Variants in KCNAB1 observed in about 807,000 individuals in gnomAD.
The protein encoded by KCNAB1 is voltage-gated potassium channel subunit beta-1.
In KCNAB1, 35 loss-of-function variants were observed where a neutral mutation model predicts 64.6. The ratio of observed to expected loss-of-function variants is 0.54; its 90% confidence interval spans 0.41 to 0.72. The LOEUF is 0.72. Ranked by LOEUF, KCNAB1 falls within the 30% of genes least tolerant of loss-of-function variation. The pLI is 0.00. For synonymous variants in KCNAB1, 177 were observed against 183.8 expected (o/e 0.96, Z 0.30); for missense variants, 401 against 512.9 (o/e 0.78, Z 2.11).
At chr3:156,311,849 A>G (rs1721927975) in intron 1 of KCNAB1, among the ~76,000 whole-genome samples, 1 of 152,188 alleles carries the variant, frequency 6.6e-6, no homozygotes, top group Non-Finnish European at 1.5e-5. Context: ...ATTGACTGCA[A>G]ATAGTGCAGT....
At chr3:156,453,062 A>C in intron 3 of KCNAB1, 126 bp downstream of exon 3, 1 of 573,898 alleles carries the variant, frequency 1.7e-6, no homozygotes, top group Non-Finnish European at 3.1e-6. Context: ...GAAATGGTAA[A>C]ATTGACTCAG....
At position 156,445,279 on chromosome 3, in the gene KCNAB1, G is replaced by C. The variant is rs377766900; in HGVS notation, c.320-7620G>C. On this transcript the variant is annotated intron_variant, in intron 2 of 13. Transcript: ENST00000490337. ...CCACTGCACTCAGGCCTGGGTGACA[G>C]AGCGAGACTCTGTCTCTGAAACAAA... is the stretch of plus-strand genomic sequence containing the variant. Among the ~76,000 whole-genome samples the C allele has an allele frequency of 6.0e-4, 92 of 152,316 alleles. 1 individual carries two copies. Among genetic ancestry groups the C allele is most frequent in the Non-Finnish European group, 2.2e-4 (15 of 68,034 alleles).
intron 1 of KCNAB1, among the ~76,000 whole-genome samples, chr3:156,244,280 G>A (rs949427238): frequency 3.3e-5 from 5 of 152,084 alleles, no homozygotes; most frequent in Non-Finnish European, 7.4e-5. Context: ...TATCTTCAAA[G>A]TGCATCACTC....
chr3:156,419,062 A>G (rs1438093253), intron 1 of KCNAB1, among the ~76,000 whole-genome samples: 1 of 152,176 alleles, frequency 6.6e-6, no homozygotes, highest in African/African-American at 2.4e-5. Flanking sequence ...GACAGTTCTC[A>G]TGTTTGGTCT....
At chr3:156,318,190 G>A (rs1722403949) in intron 1 of KCNAB1, among the ~76,000 whole-genome samples, 1 of 152,142 alleles carries the variant, frequency 6.6e-6, no homozygotes, top group Admixed American at 6.5e-5. Context: ...AGCAGGATAG[G>A]GGGCAAAAGC....
At chr3:156,126,303 G>C (rs562125836) in intron 1 of KCNAB1, among the ~76,000 whole-genome samples, 108 of 152,130 alleles carry the variant, frequency 7.1e-4, no homozygotes, top group Non-Finnish European at 1.4e-3. Flanking sequence ...AGCAGGCGTG[G>C]AGGAGAGGCA....
intron 1 of KCNAB1, among the ~76,000 whole-genome samples, chr3:156,217,543 A>G (rs1715403442): frequency 6.6e-6 from 1 of 152,226 alleles, no homozygotes; most frequent in Admixed American, 6.5e-5. Context: ...CGTTTCCACT[A>G]TGGTTTAGTA....
At chr3:156,507,473 A>G (rs535083031) in intron 8 of KCNAB1, among the ~76,000 whole-genome samples, 1 of 152,356 alleles carries the variant, frequency 6.6e-6, no homozygotes, top group African/African-American at 2.4e-5. Flanking sequence ...TAAGGATGAC[A>G]TCATTTCATT....
At chr3:156,398,590 C>CAAAA (rs767338912) in intron 1 of KCNAB1, among the ~76,000 whole-genome samples, 1 of 76,850 alleles carries the variant, frequency 1.3e-5, no homozygotes, top group African/African-American at 4.2e-5. Context: ...GACTCCGTCT[C>CAAAA]AAAAAAAAAA....
At chr3:156,206,128 T>C (rs2108386401) in intron 1 of KCNAB1, among the ~76,000 whole-genome samples, 1 of 152,350 alleles carries the variant, frequency 6.6e-6, no homozygotes, top group South Asian at 2.1e-4. Context: ...TGCACGTATC[T>C]TTATTTGATG....
chr3:156,502,219 A>G (rs1716492905), intron 8 of KCNAB1, among the ~76,000 whole-genome samples: 1 of 152,160 alleles, frequency 6.6e-6, no homozygotes, highest in African/African-American at 2.4e-5. Context: ...GGCCAAGAAG[A>G]GCCAAATGAC....
chr3:156,126,678 G>A (rs1349062669), intron 1 of KCNAB1, among the ~76,000 whole-genome samples: 4 of 152,220 alleles, frequency 2.6e-5, no homozygotes, highest in African/African-American at 9.6e-5. Context: ...GCGAGAAGCA[G>A]TTGGTTTTGG....
chr3:156,204,051 C>A (rs1714500965), intron 1 of KCNAB1, among the ~76,000 whole-genome samples: 1 of 152,130 alleles, frequency 6.6e-6, no homozygotes. Context: ...GGTCTGGGCA[C>A]AGGGTGAAAA....
chr3:156,423,366 C>A (rs537376797), intron 2 of KCNAB1, among the ~76,000 whole-genome samples: 2 of 152,238 alleles, frequency 1.3e-5, no homozygotes, highest in East Asian at 3.9e-4. Flanking sequence ...ATGAAAGAAG[C>A]AGAGTACATG....
At chr3:156,178,037 A>G (rs1008470677) in intron 1 of KCNAB1, among the ~76,000 whole-genome samples, 2 of 152,154 alleles carry the variant, frequency 1.3e-5, no homozygotes, top group African/African-American at 2.4e-5. Context: ...CACCCCGCCC[A>G]TATCCAAATT....
intron 1 of KCNAB1, among the ~76,000 whole-genome samples, chr3:156,237,004 G>A (rs764509980): frequency 3.3e-5 from 5 of 152,174 alleles, no homozygotes; most frequent in Middle Eastern, 3.2e-3. Context: ...GCTCTTGAGT[G>A]TAGGCGATGA....
At chr3:156,448,104 T>C (rs1005845707) in intron 2 of KCNAB1, among the ~76,000 whole-genome samples, 14 of 152,208 alleles carry the variant, frequency 9.2e-5, no homozygotes, top group Admixed American at 6.5e-4. Flanking sequence ...TAACACAGGT[T>C]TTCAAAGCAA....
chr3:156,247,575 G>A (rs779864343), intron 1 of KCNAB1, among the ~76,000 whole-genome samples: 3 of 151,920 alleles, frequency 2.0e-5, no homozygotes, highest in East Asian at 3.9e-4. Flanking sequence ...TTTTGCGGGG[G>A]AGAGGAAGAT....
intron 1 of KCNAB1, among the ~76,000 whole-genome samples, chr3:156,128,294 A>G (rs1417288756): frequency 1.3e-5 from 2 of 152,108 alleles, no homozygotes; most frequent in Non-Finnish European, 2.9e-5. Flanking sequence ...AAACCTGACC[A>G]AAGGGGCACA....
Sources: allele counts gnomAD v4.1 joint callset (sites outside exome capture counted in the v4.1 genomes callset), GRCh38; gene constraint gnomAD v4.1.1; transcripts MANE v1.5; gene names NCBI Gene and HGNC (gene_info 2026-07-23, HGNC 2026-07-21).